Variants in GPT2 observed in about 807,000 individuals in gnomAD.
GPT2 encodes glutamic--pyruvic transaminase 2, also known as alanine aminotransferase 2.
A neutral mutation model predicts 56.9 loss-of-function variants in GPT2; 30 were observed. The ratio of observed to expected loss-of-function variants is 0.53; its 90% CI spans 0.39 to 0.72. The LOEUF (loss-of-function observed/expected upper bound fraction) is 0.72. Among genes scored for constraint, GPT2 ranks in the 30% least tolerant of loss-of-function variants. The pLI, the probability that GPT2 is intolerant of heterozygous loss-of-function variation, is 0.00. For missense variants in GPT2, 542 were observed against 703.4 expected (o/e 0.77, Z 2.60); for synonymous variants, 271 against 283.1 (o/e 0.96, Z 0.43).
chr16:46,892,533 A>G (rs1414144534), intron 2 of GPT2, among the ~76,000 whole-genome samples: 1 of 152,210 alleles, frequency 6.6e-6, no homozygotes, highest in African/African-American at 2.4e-5. Flanking sequence ...TGGCTATACC[A>G]ATTTACATTC....
At chr16:46,885,521 G>T (rs1320317337) in intron 2 of GPT2, 1 of 985,194 alleles carries the variant, frequency 1.0e-6, no homozygotes, top group Non-Finnish European at 1.2e-6. Context: ...CTTCCTTTAG[G>T]CCCCTCTGGA....
Position 46,926,922 on chromosome 16 carries a change from T to C in GPT2, c.1369-3T>C, listed in dbSNP as rs373810533. Reference sequence around the variant, plus strand: ...TGATCATGAGCTCTGTCTGCTCCCATAGGCCCATCAAATGGCTCCAGACAT... The same window carrying C: ...TGATCATGAGCTCTGTCTGCTCCCACAGGCCCATCAAATGGCTCCAGACAT... On this transcript the variant is annotated splice_region_variant and splice_polypyrimidine_tract_variant and intron_variant, in intron 10 of 11. Transcript: ENST00000340124. 70 of 1,564,832 alleles carry C rather than the reference T, an allele frequency of 4.5e-5. No individual in the cohort carries two copies. Among genetic ancestry groups the C allele is most frequent in the East Asian group, 1.4e-4 (6 of 43,790 alleles).
rs754924126 is a variant in GPT2 at position 46,909,798 on chromosome 16, G to C, written c.691G>C (p.Val231Leu). The C allele has an allele frequency of 6.2e-7, 1 of 1,614,208 alleles. No homozygotes were observed. The highest frequency in any genetic ancestry group is 1.1e-5 in the South Asian group (1 of 91,078). Residue 231 changes from valine (V) to leucine (L), a missense_variant, in exon 6 of 12, where the codon GTG becomes CTG. Transcript: ENST00000340124. ...AVISELDAIQ[V>L]NYYLDEENCW... ...CATCTCTGAGCTCGACGCCATCCAG[G>C]TGAATTACTACCTGGACGAGGAGAA...
chr16:46,911,535 C>T (rs546985556), intron 6 of GPT2, among the ~76,000 whole-genome samples: 75 of 152,290 alleles, frequency 4.9e-4, no homozygotes, highest in African/African-American at 1.8e-3. Flanking sequence ...GCTGGCTTCT[C>T]AATCCTGGTT....
rs1330468752 is a variant in GPT2, at chr16:46,931,219, T to C, written c.*2222T>C. ...GTTTTCCCGTCTAGGTTCTCACAGG[T>C]ATCTCCTGACAGAGGTACTTAACAA... On this transcript the variant is annotated 3_prime_UTR_variant, in exon 12 of 12. Transcript: ENST00000340124. 1 of 152,194 alleles carries C rather than the reference T, an allele frequency of 6.6e-6. No individual in the cohort carries two copies. The highest frequency in any genetic ancestry group is 6.5e-5 in the Admixed American group (1 of 15,272). The allele number at this position is 152,194 out of a possible 1,614,324, so 9.4% of individuals were successfully genotyped here.
chr16:46,898,750 ATG>A (rs1377901424), intron 3 of GPT2, among the ~76,000 whole-genome samples: 1 of 151,034 alleles, frequency 6.6e-6, no homozygotes, highest in Admixed American at 6.6e-5. Flanking sequence ...GGGTTTCTCC[ATG>A]TTGGCCAGGC....
At chr16:46,915,885 C>G (rs1324409442) in intron 6 of GPT2, 1 of 148,922 alleles carries the variant, frequency 6.7e-6, no homozygotes, top group East Asian at 2.0e-4. Flanking sequence ...CACACTACAA[C>G]TACACACACA....
chr16:46,889,720 C>G (rs1448512460), intron 2 of GPT2, among the ~76,000 whole-genome samples: 1 of 152,178 alleles, frequency 6.6e-6, no homozygotes, highest in Non-Finnish European at 1.5e-5. Context: ...AAAATGTGAC[C>G]AGTTTATTTC....
Position 46,929,089 on chromosome 16 carries a change from G to C in GPT2, c.*92G>C. ...CGCCTCCCCCGTGACTCTGCCTCGGGCCTCGCAGAGGCCGCTGGTCACTTC... is the reference window on the plus strand; with the variant it reads ...CGCCTCCCCCGTGACTCTGCCTCGGCCCTCGCAGAGGCCGCTGGTCACTTC... On this transcript the variant is annotated 3_prime_UTR_variant, in exon 12 of 12. Coordinates refer to ENST00000340124, the MANE Select transcript of GPT2 (RefSeq NM_133443.4). 1.1e-6 allele frequency: 1 copy of C among 949,030 alleles called. No homozygotes were observed. Among genetic ancestry groups the C allele is most frequent in the Non-Finnish European group, 1.7e-6 (1 of 586,346 alleles). The allele number at this position is 949,030 out of a possible 1,614,324, so 58.8% of individuals were successfully genotyped here. A position where few individuals can be genotyped will look rare whatever the true frequency, so the allele number is the denominator to read the frequency against.
At chr16:46,923,009 C>T (rs576078240) in intron 9 of GPT2, among the ~76,000 whole-genome samples, 32 of 152,116 alleles carry the variant, frequency 2.1e-4, no homozygotes, top group Admixed American at 1.4e-3. Context: ...CAATGTTGTG[C>T]GGCCATCACT....
rs546279323 is a variant in GPT2, at chr16:46,900,893, C to T, written c.442+103C>T. The T allele has an allele frequency of 7.9e-5, 67 of 851,016 alleles. No individual in the cohort carries two copies. In the African/African-American group the frequency reaches 8.9e-4, roughly 11 times the overall value. 52.7% of individuals were successfully genotyped at this position (851,016 alleles called of 1,614,324 possible). On this transcript the variant is annotated intron_variant, in intron 4 of 11. Coordinates refer to ENST00000340124, the MANE Select transcript of GPT2 (RefSeq NM_133443.4). ...TCCTGCATGCGAATGGGTGTGTGAA[C>T]GTGTGTGGGTGGCTGACAGCACACA...
At chr16:46,900,890 G>A in intron 4 of GPT2, 100 bp downstream of exon 4, 1 of 874,112 alleles carries the variant, frequency 1.1e-6, no homozygotes, top group Non-Finnish European at 1.9e-6. Flanking sequence ...ATGGGTGTGT[G>A]AACGTGTGTG....
chr16:46,902,885 A>G (rs1030646219), intron 4 of GPT2, among the ~76,000 whole-genome samples: 3 of 151,970 alleles, frequency 2.0e-5, no homozygotes, highest in Non-Finnish European at 2.9e-5. Flanking sequence ...TAGCCTCCCA[A>G]AGTGCTGGGA....
chr16:46,915,618 C>G (rs1961136056), intron 6 of GPT2: 1 of 147,202 alleles, frequency 6.8e-6, no homozygotes, highest in Non-Finnish European at 1.5e-5. Flanking sequence ...ACACCAAATA[C>G]AGACACACAT....
At chr16:46,891,940 A>G (rs1960594839) in intron 2 of GPT2, among the ~76,000 whole-genome samples, 1 of 143,012 alleles carries the variant, frequency 7.0e-6, no homozygotes. Context: ...AGACTCTGGG[A>G]ACCATCCTTC....
In GPT2 at chr16:46,909,921, CCCACAGGT is replaced by C; in HGVS notation, c.816_820+3del. On this transcript the variant is annotated splice_donor_variant and coding_sequence_variant, in exon 6 of 12. Transcript: ENST00000340124. LOFTEE classifies it high-confidence loss of function. Reference sequence around the variant, plus strand: ...GCTCTGCATAATCAACCCTGGGAACCCCACAGGTCTGCACTTTACTTCCTCACCAGTTT... The same window carrying C: ...GCTCTGCATAATCAACCCTGGGAACCCTGCACTTTACTTCCTCACCAGTTT... 1 of 1,606,232 alleles carries C rather than the reference CCCACAGGT, an allele frequency of 6.2e-7. No individual in the cohort carries two copies. Among genetic ancestry groups the C allele is most frequent in the Non-Finnish European group, 8.5e-7 (1 of 1,174,532 alleles).
At chr16:46,904,473 G>A (rs1038863659) in intron 4 of GPT2, among the ~76,000 whole-genome samples, 1 of 152,204 alleles carries the variant, frequency 6.6e-6, no homozygotes, top group African/African-American at 2.4e-5. Flanking sequence ...TTGGCTGGAG[G>A]TGGAGCAGAA....
chr16:46,915,458 AC>A (rs1462993696), intron 6 of GPT2: 3 of 149,078 alleles, frequency 2.0e-5, no homozygotes, highest in African/African-American at 7.5e-5. Flanking sequence ...AGACACACAC[AC>A]CCCACCACAC....
chr16:46,899,016 T>C (rs74969242), intron 3 of GPT2, among the ~76,000 whole-genome samples: 2,043 of 7,960 alleles, frequency 0.26, 288 homozygotes, highest in Non-Finnish European at 0.41. Context: ...TATATATATA[T>C]ATATATATAT....
Sources: gnomAD v4.1 joint callset for allele counts (sites outside exome capture counted in the v4.1 genomes callset) on GRCh38, gnomAD v4.1.1 for gene constraint, MANE v1.5 for transcripts, NCBI Gene and HGNC (gene_info 2026-07-23, HGNC 2026-07-21) for gene names.